TTLL7: variants seen among roughly 807,000 people sequenced by gnomAD.
TTLL7 encodes tubulin tyrosine ligase like 7.
Under a neutral mutation model 120.2 loss-of-function variants are expected in TTLL7, and 53 were observed. The ratio of observed to expected loss-of-function variants is 0.44; its 90% CI spans 0.35 to 0.55. The LOEUF is 0.55. Ranked by LOEUF, TTLL7 falls within the 20% of genes least tolerant of loss-of-function variation. The probability of loss-of-function intolerance (pLI) is 0.00; values close to 1 mark genes in which losing one functional copy is unlikely to be tolerated. For synonymous variants in TTLL7, 353 were observed against 351.7 expected, an observed-to-expected ratio of 1.00 and a Z score of -0.04; for missense variants, 803 against 1,054.7, an observed-to-expected ratio of 0.76 and a Z score of 3.31.
At chr1:83,892,952 A>G (rs1456092994) in intron 18 of TTLL7, among the ~76,000 whole-genome samples, 2 of 128,978 alleles carry the variant, frequency 1.6e-5, no homozygotes, top group East Asian at 4.5e-4. Flanking sequence ...GAAAGAAAGA[A>G]AAGAATAAAA....
At chr1:83,973,483 G>T (rs990430108) in intron 1 of TTLL7, among the ~76,000 whole-genome samples, 1 of 151,940 alleles carries the variant, frequency 6.6e-6, no homozygotes, top group African/African-American at 2.4e-5. Flanking sequence ...TTTATAGTAA[G>T]TCTTAAAGTT....
intron 5 of TTLL7, 41 bp from the exon 6 acceptor site, chr1:83,947,323 A>T (rs1648601217): frequency 1.3e-6 from 2 of 1,538,688 alleles, no homozygotes; most frequent in Non-Finnish European, 1.8e-6. Flanking sequence ...TTCTATTCAA[A>T]CTAGCATATA....
At chr1:83,981,214 T>A (rs1041876092) in intron 1 of TTLL7, 2 of 152,032 alleles carry the variant, frequency 1.3e-5, no homozygotes, top group Non-Finnish European at 2.9e-5. Flanking sequence ...ATTGGCACAG[T>A]AAATTTTAAA....
intron 18 of TTLL7, among the ~76,000 whole-genome samples, chr1:83,892,405 C>CATATATACGA (rs1655637152): frequency 2.7e-5 from 1 of 36,810 alleles, no homozygotes; most frequent in Non-Finnish European, 5.1e-5. Flanking sequence ...TATATATGAA[C>CATATATACGA]ATATATATGA....
intron 6 of TTLL7, among the ~76,000 whole-genome samples, chr1:83,943,872 C>G (rs909189229): frequency 1.2e-4 from 19 of 152,040 alleles, no homozygotes; most frequent in African/African-American, 4.6e-4. Context: ...AAAGAGCTAA[C>G]AGAAACCATG....
At chr1:83,959,563 A>C (rs950687150) in intron 1 of TTLL7, among the ~76,000 whole-genome samples, 3 of 152,294 alleles carry the variant, frequency 2.0e-5, no homozygotes, top group Admixed American at 2.0e-4. Flanking sequence ...GAAGTTTGCT[A>C]ATCTAGACAG....
At chr1:83,952,091 A>G in intron 2 of TTLL7, 96 bp downstream of exon 2, 1 of 1,508,396 alleles carries the variant, frequency 6.6e-7, no homozygotes, top group South Asian at 1.2e-5. Flanking sequence ...GGTACTTTAA[A>G]AAGTCCCCAA....
At chr1:83,996,154 T>C (rs1653461165) in intron 1 of TTLL7, among the ~76,000 whole-genome samples, 1 of 152,210 alleles carries the variant, frequency 6.6e-6, no homozygotes, top group Admixed American at 6.5e-5. Context: ...ATTCTTAAAC[T>C]TTCCAAATTG....
chr1:83,869,871 C>T lies in TTLL7; in HGVS notation c.*91G>A, dbSNP rs925647965. ...TATATGTCTTATATACATAAAACAG[C>T]ACTTAATGGTCATGTTCTTTGCATG... On this transcript the variant is annotated 3_prime_UTR_variant, in exon 21 of 21. Transcript: ENST00000260505. 8.9e-6 allele frequency: 13 copies of T among 1,466,482 alleles called. No individual in the cohort carries two copies. In the African/African-American group the frequency reaches 1.7e-4, roughly 19 times the overall value. 90.8% of individuals were successfully genotyped at this position (1,466,482 alleles called of 1,614,324 possible).
At chr1:83,899,479 C>T (rs1212678144) in intron 18 of TTLL7, among the ~76,000 whole-genome samples, 1 of 151,916 alleles carries the variant, frequency 6.6e-6, no homozygotes, top group East Asian at 1.9e-4. Context: ...GATAAACTTG[C>T]TGTAGTTAAG....
At chr1:83,898,162 C>A (rs911196317) in intron 18 of TTLL7, among the ~76,000 whole-genome samples, 1 of 151,876 alleles carries the variant, frequency 6.6e-6, no homozygotes, top group Admixed American at 6.6e-5. Flanking sequence ...TAACTGATAG[C>A]CAAATAAATG....
intron 13 of TTLL7, among the ~76,000 whole-genome samples, chr1:83,918,231 T>G (rs1658353907): frequency 6.6e-6 from 1 of 152,064 alleles, no homozygotes; most frequent in African/African-American, 2.4e-5. Flanking sequence ...TTTATAAAGG[T>G]TTTCATTCTA....
chr1:83,911,409 G>T, intron 14 of TTLL7, 46 bp from the exon 15 acceptor site: 1 of 1,468,090 alleles, frequency 6.8e-7, no homozygotes, highest in Non-Finnish European at 9.4e-7. Context: ...TCTTAAAAAA[G>T]GTTTATTGAT....
In TTLL7 at chr1:83,928,690, G is replaced by GT. The variant is rs939488424; in HGVS notation, c.1142+445dup. On this transcript the variant is annotated intron_variant, in intron 10 of 20. Coordinates refer to ENST00000260505, the MANE Select transcript of TTLL7 (RefSeq NM_024686.6). ...AGAAAGTTAGGAAATCCATGTTTGA[G>GT]TTTTTTTTTTAATTTCCTGAATGAA... is the stretch of plus-strand genomic sequence containing the variant. Among the ~76,000 whole-genome samples the GT allele has an allele frequency of 2.8e-4, 41 of 149,066 alleles. No homozygotes were observed. The East Asian group carries it at 5.1e-3, about 19-fold the overall frequency.
At chr1:83,972,218 A>G (rs984137386) in intron 1 of TTLL7, among the ~76,000 whole-genome samples, 2 of 152,038 alleles carry the variant, frequency 1.3e-5, no homozygotes, top group Admixed American at 1.3e-4. Context: ...TATCCAAAAG[A>G]TTATCTTCAG....
intron 20 of TTLL7, among the ~76,000 whole-genome samples, chr1:83,879,445 T>C (rs1427070592): frequency 1.3e-5 from 2 of 152,008 alleles, no homozygotes; most frequent in Non-Finnish European, 1.5e-5. Flanking sequence ...TGGCTCTGCC[T>C]TTCTGCAGTG....
chr1:83,968,684 T>C (rs1650703873), intron 1 of TTLL7, among the ~76,000 whole-genome samples: 1 of 152,086 alleles, frequency 6.6e-6, no homozygotes, highest in South Asian at 2.1e-4. Flanking sequence ...TCCTTGTTAT[T>C]ATTCCTACAT....
At chr1:83,917,778 G>C in intron 13 of TTLL7, 88 bp from the exon 14 acceptor site, 1 of 807,318 alleles carries the variant, frequency 1.2e-6, no homozygotes, top group Admixed American at 2.5e-5. Flanking sequence ...ATAATGCAGA[G>C]CAAGGATTCC....
chr1:83,875,396 T>G (rs1050780557), intron 20 of TTLL7, among the ~76,000 whole-genome samples: 3 of 151,988 alleles, frequency 2.0e-5, no homozygotes, highest in African/African-American at 7.2e-5. Context: ...TTGTATAATA[T>G]TCCATTGTAT....
Sources: gnomAD v4.1 joint callset for allele counts (sites outside exome capture counted in the v4.1 genomes callset) on GRCh38, gnomAD v4.1.1 for gene constraint, MANE v1.5 for transcripts, NCBI Gene and HGNC (gene_info 2026-07-23, HGNC 2026-07-21) for gene names.